Variants in IPO5 observed in about 807,000 individuals in gnomAD.
The protein encoded by IPO5 is importin-5.
IPO5 carries 18 observed loss-of-function variants against 143.3 expected under a neutral mutation model. That is an observed-to-expected ratio of 0.13 (90% confidence interval 0.09 to 0.19). IPO5 has a LOEUF of 0.19. IPO5 is among the 10% of genes least tolerant of loss of function. The pLI is 1.00. For synonymous variants in IPO5, 477 were observed against 465.7 expected (o/e 1.02, Z -0.31); for missense variants, 1,013 against 1,336.9 (o/e 0.76, Z 3.78).
At chr13:97,972,889 C>T (rs757212445) in intron 3 of IPO5, among the ~76,000 whole-genome samples, 13 of 152,064 alleles carry the variant, frequency 8.5e-5, no homozygotes, top group Admixed American at 2.0e-4. Flanking sequence ...CTCAAGGTTA[C>T]ACAGCTAGTA....
intron 3 of IPO5, among the ~76,000 whole-genome samples, chr13:97,974,298 T>A (rs1886075315): frequency 6.6e-6 from 1 of 151,916 alleles, no homozygotes; most frequent in Non-Finnish European, 1.5e-5. Context: ...GAGTTGTTTT[T>A]GTCTGAAATT....
intron 2 of IPO5, among the ~76,000 whole-genome samples, chr13:97,967,086 G>A (rs1006301052): frequency 6.6e-6 from 1 of 152,116 alleles, no homozygotes; most frequent in Non-Finnish European, 1.5e-5. Flanking sequence ...TTTACTTGCT[G>A]TAGATCTATT....
At position 98,015,768 on chromosome 13, in the gene IPO5, C is replaced by T. The variant is rs1410853075; in HGVS notation, c.2480C>T (p.Ser827Leu). Residue 827 changes from serine to leucine, a missense_variant, in exon 24 of 29, where the codon TCA becomes TTA. Coordinates refer to ENST00000651721, the MANE Select transcript of IPO5 (RefSeq NM_002271.6). Reference sequence around the variant, plus strand: ...GACTATGATGAACAGGTCGAAGAGTCACTACAAGATGAGGTAAGTTATTCC... The same window carrying T: ...GACTATGATGAACAGGTCGAAGAGTTACTACAAGATGAGGTAAGTTATTCC... ...DEDYDEQVEE[S>L]LQDEDDNDVY... The T allele has an allele frequency of 1.2e-6, 2 of 1,608,220 alleles. No individual in the cohort carries two copies. Among genetic ancestry groups the T allele is most frequent in the South Asian group, 2.2e-5 (2 of 90,340 alleles).
At position 98,000,599 on chromosome 13, in the gene IPO5, C is replaced by T. The variant is rs377171483; in HGVS notation, c.1062C>T (p.Leu354=). ...TGGCTTGCGGACTTGGTGGAAAGCT[C>T]GTTCTGCCGATGATCAAGGAACACA... ...DRMACGLGGK[L]VLPMIKEHIM... The change falls in exon 13 of 29, where the codon CTC becomes CTT. Residue 354 remains leucine, a synonymous_variant. Coordinates refer to ENST00000651721, the MANE Select transcript of IPO5 (RefSeq NM_002271.6). The T allele has an allele frequency of 1.4e-5, 22 of 1,613,986 alleles. No homozygotes were observed. In the East Asian group the frequency reaches 2.2e-4, roughly 16 times the overall value.
intron 22 of IPO5, 103 bp downstream of exon 22, chr13:98,014,317 A>T: frequency 2.4e-6 from 2 of 831,752 alleles, no homozygotes; most frequent in Non-Finnish European, 3.7e-6. Context: ...TTGCTCTGTC[A>T]CCCAGGCTGG....
chr13:98,014,339 G>A (rs1429984801), intron 22 of IPO5, 125 bp downstream of exon 22: 26 of 620,806 alleles, frequency 4.2e-5, no homozygotes, highest in African/African-American at 1.3e-4. Context: ...GTGCAGTGGC[G>A]CAATCGCAGC....
intron 20 of IPO5, among the ~76,000 whole-genome samples, chr13:98,010,989 C>G (rs1381090492): frequency 3.3e-5 from 5 of 151,686 alleles, no homozygotes. Flanking sequence ...CCATTTTGGC[C>G]AGGCTGGTTT....
intron 3 of IPO5, among the ~76,000 whole-genome samples, chr13:97,973,593 G>A (rs1440245199): frequency 6.6e-6 from 1 of 152,084 alleles, no homozygotes; most frequent in African/African-American, 2.4e-5. Flanking sequence ...TGGGTGGCGG[G>A]GTGGTCTCTT....
At chr13:97,984,257 C>T (rs963069238) in intron 5 of IPO5, among the ~76,000 whole-genome samples, 4 of 152,016 alleles carry the variant, frequency 2.6e-5, no homozygotes, top group Non-Finnish European at 4.4e-5. Context: ...GGATTACAGG[C>T]GTGAGCCACC....
chr13:97,966,340 A>T (rs1325823688), intron 2 of IPO5, among the ~76,000 whole-genome samples: 1 of 152,122 alleles, frequency 6.6e-6, no homozygotes, highest in African/African-American at 2.4e-5. Flanking sequence ...TTTAATAATG[A>T]AAAGGGATTG....
At chr13:98,016,151 G>A (rs1890109305) in intron 24 of IPO5, among the ~76,000 whole-genome samples, 1 of 152,080 alleles carries the variant, frequency 6.6e-6, no homozygotes, top group Non-Finnish European at 1.5e-5. Context: ...ACGGTCTGGG[G>A]CCTTTTTCAC....
chr13:98,021,044 A>G lies in IPO5; in HGVS notation c.3118A>G (p.Ser1040Gly), dbSNP rs867058078. The G allele has an allele frequency of 2.5e-6, 4 of 1,611,436 alleles. No homozygotes were observed. The highest frequency in any genetic ancestry group is 3.4e-6 in the Non-Finnish European group (4 of 1,178,820). The change falls in exon 28 of 29, where the codon AGT becomes GGT. Residue 1040 changes from serine to glycine, a missense_variant. This residue lies in a region of IPO5 where 685 missense variants were observed against 994.9 expected (regional missense o/e 0.69). Transcript: ENST00000651721. The part of the protein sequence containing the change: ...PNNTNLPKIF[S>G]IIAEGEMHEA... ...CAATACCAATCTGCCCAAAATATTT[A>G]GTATAATTGCGGAAGGAGAAATGCA...
chr13:98,015,347 A>AT (rs562094360), intron 22 of IPO5, among the ~76,000 whole-genome samples, 183 bp from the exon 23 acceptor site: 368 of 152,010 alleles, frequency 2.4e-3, no homozygotes, highest in African/African-American at 8.7e-3. Context: ...AAAAGAAAAT[A>AT]TTTTTTTCTA....
chr13:97,971,351 G>A (rs951807046), intron 3 of IPO5, among the ~76,000 whole-genome samples: 1 of 152,160 alleles, frequency 6.6e-6, no homozygotes, highest in African/African-American at 2.4e-5. Flanking sequence ...GACTGCTTCA[G>A]AGCAGGAACT....
chr13:98,014,726 AG>A (rs1202279549), intron 22 of IPO5, among the ~76,000 whole-genome samples: 2 of 152,168 alleles, frequency 1.3e-5, no homozygotes, highest in Non-Finnish European at 2.9e-5. Context: ...CTTTGGAAAA[AG>A]AGAAGAAATT....
chr13:98,010,253 T>C (rs765335037), intron 20 of IPO5, 29 bp downstream of exon 20: 1 of 1,599,984 alleles, frequency 6.3e-7, no homozygotes, highest in Non-Finnish European at 8.5e-7. Context: ...TACTAAACTT[T>C]TATTTTACAT....
chr13:97,981,434 A>T, intron 4 of IPO5: 1 of 309,120 alleles, frequency 3.2e-6, no homozygotes, highest in Non-Finnish European at 6.3e-6. Flanking sequence ...TTATTTCCTT[A>T]TCTGTTAATA....
intron 12 of IPO5, among the ~76,000 whole-genome samples, chr13:97,999,723 A>C (rs963847666): frequency 1.3e-5 from 2 of 152,228 alleles, no homozygotes; most frequent in African/African-American, 4.8e-5. Flanking sequence ...AAGACAATAG[A>C]ATTGAGTTTC....
intron 5 of IPO5, 136 bp downstream of exon 5, chr13:97,982,719 A>G (rs1886957383): frequency 1.6e-6 from 1 of 641,814 alleles, no homozygotes; most frequent in South Asian, 2.0e-5. Flanking sequence ...ATTATTTGCT[A>G]AAAGCTACTT....
Sources: gnomAD v4.1 joint callset for allele counts (sites outside exome capture counted in the v4.1 genomes callset) on GRCh38, gnomAD v4.1.1 for gene constraint, gnomAD v4.1.1 regional missense constraint, MANE v1.5 for transcripts, NCBI Gene and HGNC (gene_info 2026-07-23, HGNC 2026-07-21) for gene names.